The following PRSS2 variants were observed in gnomAD, a reference collection of about 807,000 sequenced individuals.
The protein encoded by PRSS2 is serine protease 2.
A neutral mutation model predicts 19.2 loss-of-function variants in PRSS2; 19 were observed. The observed-to-expected ratio is 0.99, with a 90% CI of 0.69 to 1.45. PRSS2 has a LOEUF of 1.45. PRSS2 is among the 40% of genes most tolerant of loss of function. PRSS2 has a pLI of 0.00. For missense variants in PRSS2, 288 were observed against 294.4 expected (o/e 0.98, Z 0.16); for synonymous variants, 107 against 117.5 (o/e 0.91, Z 0.58).
intron 2 of PRSS2, 48 bp from the exon 3 acceptor site, chr7:142,773,218 G>A: frequency 6.2e-6 from 10 of 1,614,136 alleles, no homozygotes; most frequent in Non-Finnish European, 8.5e-6. Context: ...TGGGAGGGGT[G>A]CCCTGGCTGT....
Position 142,770,979 on chromosome 7 carries a change from C to T in PRSS2, c.-4C>T, listed in dbSNP as rs988623527. 4.5e-6 allele frequency: 3 copies of T among 670,216 alleles called. No homozygotes were observed. Among genetic ancestry groups the T allele is most frequent in the Admixed American group, 2.0e-5 (1 of 50,318 alleles). The allele number at this position is 670,216 out of a possible 1,614,324, so 41.5% of individuals were successfully genotyped here. A position where few individuals can be genotyped will look rare whatever the true frequency, so the allele number is the denominator to read the frequency against. ...CCACCAGCAATCAGGCACACTCTAC[C>T]ACCATGAATCTACTTCTGATCCTTA... is the stretch of plus-strand genomic sequence containing the variant. On this transcript the variant is annotated 5_prime_UTR_variant, in exon 1 of 5. Transcript: ENST00000539842.
intron 2 of PRSS2, chr7:142,772,424 C>G (rs2117072215): frequency 2.5e-6 from 2 of 798,598 alleles, no homozygotes; most frequent in East Asian, 5.3e-5. Flanking sequence ...GGGTTGTGGT[C>G]ATAAAAGCAG....
At chr7:142,771,125 C>G (rs1479998629) in intron 1 of PRSS2, 103 bp downstream of exon 1, 1 of 506,542 alleles carries the variant, frequency 2.0e-6, no homozygotes, top group African/African-American at 1.9e-5. Context: ...CTGTGATATT[C>G]TATTTCCTCC....
At chr7:142,774,263 G>A (rs1406636821) in intron 4 of PRSS2, 93 bp from the exon 5 acceptor site, 4 of 1,042,660 alleles carry the variant, frequency 3.8e-6, no homozygotes, top group African/African-American at 1.5e-5. Flanking sequence ...CCACAGAGCT[G>A]GCTGGAAAGG....
intron 1 of PRSS2, among the ~76,000 whole-genome samples, chr7:142,771,770 A>T (rs1799919682): frequency 6.6e-6 from 1 of 152,266 alleles, no homozygotes; most frequent in South Asian, 2.1e-4. Context: ...CCCAAATCCT[A>T]TCCCACTGGA....
In PRSS2 at chr7:142,774,544, A is replaced by T. The variant is rs1800289694; in HGVS notation, c.*36A>T. ...CCCTCTGCAGTCTCTATACCAATAA[A>T]GTGACCCTGCTCTCACTGTCTGTGT... On this transcript the variant is annotated 3_prime_UTR_variant, in exon 5 of 5. Transcript: ENST00000539842. 3.8e-6 allele frequency: 6 copies of T among 1,588,360 alleles called. No individual in the cohort carries two copies. The highest frequency in any genetic ancestry group is 1.7e-5 in the Admixed American group (1 of 59,922).
At chr7:142,774,277 C>G in intron 4 of PRSS2, 79 bp from the exon 5 acceptor site, 1 of 1,053,182 alleles carries the variant, frequency 9.5e-7, no homozygotes, top group African/African-American at 1.5e-5. Context: ...GGAAAGGGCT[C>G]TTTTAAGGTT....
rs1194794360 is a variant in PRSS2 at position 142,773,401 on chromosome 7, G to A, written c.336G>A (p.Lys112=). 4.3e-6 allele frequency: 7 copies of A among 1,610,570 alleles called. No individual in the cohort carries two copies. Among genetic ancestry groups the A allele is most frequent in the Non-Finnish European group, 5.1e-6 (6 of 1,176,964 alleles). Residue 112 remains lysine (K), a synonymous_variant, in exon 3 of 5, where the codon AAG becomes AAA. Coordinates refer to ENST00000539842, the MANE Select transcript of PRSS2 (RefSeq NM_002770.4). Reference sequence around the variant, plus strand: ...TGGACAATGACATCCTGCTGATCAAGCTCTCCTCACCTGCCGTCATCAATT... The same window carrying A: ...TGGACAATGACATCCTGCTGATCAAACTCTCCTCACCTGCCGTCATCAATT... The part of the protein sequence containing the change: ...RTLDNDILLI[K]LSSPAVINSR...
chr7:142,772,023 C>T (rs1554505875), intron 1 of PRSS2, 26 bp from the exon 2 acceptor site: 1 of 1,613,934 alleles, frequency 6.2e-7, no homozygotes, highest in South Asian at 1.1e-5. Flanking sequence ...ACTGACTTGC[C>T]TTCTCCCTTC....
rs1348961777 is a variant in PRSS2 at position 142,773,334 on chromosome 7, C to G, written c.269C>G (p.Ala90Gly). 3.7e-6 allele frequency: 6 copies of G among 1,614,204 alleles called. No individual in the cohort carries two copies. The highest frequency in any genetic ancestry group is 2.2e-5 in the East Asian group (1 of 44,878). The change falls in exon 3 of 5, where the codon GCG becomes GGG. Residue 90 changes from alanine (A) to glycine (G), a missense_variant. By Grantham distance (60) the Ala-to-Gly change is moderately conservative. Transcript: ENST00000539842. The part of the protein sequence containing the change: ...VLEGNEQFIN[A>G]AKIIRHPKYN... ...GAGGGGAATGAACAGTTCATCAATG[C>G]GGCCAAGATCATCCGCCACCCCAAA... is the stretch of plus-strand genomic sequence containing the variant.
At chr7:142,773,113 C>T (rs1324883943) in intron 2 of PRSS2, among the ~76,000 whole-genome samples, 153 bp from the exon 3 acceptor site, 1 of 152,088 alleles carries the variant, frequency 6.6e-6, no homozygotes, top group Non-Finnish European at 1.5e-5. Flanking sequence ...TGCACTGACC[C>T]ACATTGCTCT....
intron 1 of PRSS2, 57 bp from the exon 2 acceptor site, chr7:142,771,992 G>T: frequency 6.2e-7 from 1 of 1,612,926 alleles, no homozygotes; most frequent in Non-Finnish European, 8.5e-7. Context: ...CACAGGCTGG[G>T]AGCGCCACCC....
intron 4 of PRSS2, 74 bp downstream of exon 4, chr7:142,774,129 C>A: frequency 2.7e-6 from 4 of 1,507,226 alleles, no homozygotes; most frequent in Non-Finnish European, 3.7e-6. Flanking sequence ...TTTGAACTCC[C>A]AAGGTGGCGG....
intron 3 of PRSS2, 58 bp from the exon 4 acceptor site, chr7:142,773,861 G>A: frequency 6.4e-7 from 1 of 1,561,234 alleles, no homozygotes; most frequent in Non-Finnish European, 8.8e-7. Flanking sequence ...CTAGACTATT[G>A]TCTCTTTCTC....
At chr7:142,773,176 A>G (rs1487879075) in intron 2 of PRSS2, 90 bp from the exon 3 acceptor site, 4 of 1,611,288 alleles carry the variant, frequency 2.5e-6, no homozygotes, top group Admixed American at 3.3e-5. Flanking sequence ...AGAGCTGTCC[A>G]TGAGCAGGGA....
Position 142,772,213 on chromosome 7 carries a change from G to A in PRSS2, c.200+5G>A, listed in dbSNP as rs750592339. ...AGCAGGTCACTGCTACAAGTCGTAA[G>A]TGTGGGGCCCCTGACTGCAAAACTC... On this transcript the variant is annotated splice_donor_5th_base_variant and intron_variant, in intron 2 of 4. Coordinates refer to ENST00000539842, the MANE Select transcript of PRSS2 (RefSeq NM_002770.4). The A allele has an allele frequency of 1.5e-5, 24 of 1,613,666 alleles. No individual in the cohort carries two copies. Among genetic ancestry groups the A allele is most frequent in the Middle Eastern group, 3.3e-4 (2 of 6,074 alleles).
At position 142,773,905 on chromosome 7, in the gene PRSS2, C is replaced by T. The variant is rs755295960; in HGVS notation, c.455-14C>T. ...CCCACATTTCTTTCTTTGTTCTCTT[C>T]CTGATCCTCACAGCCGACTACCCAG... On this transcript the variant is annotated splice_polypyrimidine_tract_variant and intron_variant, in intron 3 of 4. Transcript: ENST00000539842. 1.2e-6 allele frequency: 2 copies of T among 1,610,070 alleles called. No homozygotes were observed. The highest frequency in any genetic ancestry group is 4.5e-5 in the East Asian group (2 of 44,846).
chr7:142,774,122 G>C (rs1800233174), intron 4 of PRSS2, 67 bp downstream of exon 4: 3 of 1,518,186 alleles, frequency 2.0e-6, no homozygotes, highest in African/African-American at 1.4e-5. Flanking sequence ...AAAATGATTT[G>C]AACTCCCAAG....
chr7:142,772,008 A>T, intron 1 of PRSS2, 41 bp from the exon 2 acceptor site: 1 of 1,613,770 alleles, frequency 6.2e-7, no homozygotes, highest in Non-Finnish European at 8.5e-7. Context: ...CACCCCTAAC[A>T]TGCTACTGAC....
Sources: allele counts gnomAD v4.1 joint callset (sites outside exome capture counted in the v4.1 genomes callset), GRCh38; gene constraint gnomAD v4.1.1; transcripts MANE v1.5; gene names NCBI Gene and HGNC (gene_info 2026-07-23, HGNC 2026-07-21).